Variants in RTCB observed in about 807,000 individuals in gnomAD.
RTCB encodes the protein RNA 2',3'-cyclic phosphate and 5'-OH ligase.
In RTCB, 32 loss-of-function variants were observed where a neutral mutation model predicts 58.2. The ratio of observed to expected loss-of-function variants is 0.55; its 90% CI spans 0.41 to 0.74. The LOEUF (loss-of-function observed/expected upper bound fraction) is 0.74, where lower values mean the gene tolerates loss of function less well. Ranked by LOEUF, RTCB falls within the 30% of genes least tolerant of loss-of-function variation. The probability of loss-of-function intolerance (pLI) is 0.00; values close to 1 mark genes in which losing one functional copy is unlikely to be tolerated. For missense variants in RTCB, 523 were observed against 639.0 expected (o/e 0.82, Z 1.96); for synonymous variants, 247 against 218.6 (o/e 1.13, Z -1.15).
chr22:32,391,395 A>ATTTTT (rs200157911), intron 11 of RTCB, among the ~76,000 whole-genome samples: 1 of 141,818 alleles, frequency 7.1e-6, no homozygotes, highest in Admixed American at 7.1e-5. Flanking sequence ...CAATAAGTAA[A>ATTTTT]TTTTTTTTTT....
chr22:32,411,561 G>A (rs1294229127), intron 1 of RTCB, among the ~76,000 whole-genome samples: 1 of 152,208 alleles, frequency 6.6e-6, no homozygotes, highest in African/African-American at 2.4e-5. Flanking sequence ...GCTACTGCAA[G>A]AAATGACATC....
intron 9 of RTCB, 45 bp from the exon 10 acceptor site, chr22:32,394,047 T>C (rs557696504): frequency 8.1e-6 from 11 of 1,354,914 alleles, no homozygotes; most frequent in African/African-American, 4.3e-5. Flanking sequence ...CAGAAAAACA[T>C]AGGCTTTTTA....
chr22:32,389,693 C>A (rs1390062017), intron 11 of RTCB, among the ~76,000 whole-genome samples: 2 of 152,186 alleles, frequency 1.3e-5, no homozygotes, highest in East Asian at 3.8e-4. Context: ...CAGACTCTAT[C>A]TCCTCTCATC....
chr22:32,392,134 C>A (rs1948960523), intron 11 of RTCB, 106 bp downstream of exon 11: 13 of 1,241,034 alleles, frequency 1.0e-5, no homozygotes, highest in South Asian at 7.4e-5. Context: ...AAAAATAACC[C>A]AAACAATTTC....
At position 32,411,033 on chromosome 22, in the gene RTCB, C is replaced by T. The variant is rs1601433494; in HGVS notation, c.93+1031G>A. Reference sequence around the variant, plus strand: ...CCTATGTTAGATTTTCTATTCCTTCCTTCAGGGTAACGGTTTCCACACAAA... The same window carrying T: ...CCTATGTTAGATTTTCTATTCCTTCTTTCAGGGTAACGGTTTCCACACAAA... On this transcript the variant is annotated intron_variant, in intron 1 of 11. Coordinates refer to ENST00000216038, the MANE Select transcript of RTCB (RefSeq NM_014306.5). Among the ~76,000 whole-genome samples, 4 of 152,146 alleles carry T rather than the reference C, an allele frequency of 2.6e-5. No individual in the cohort carries two copies. In the South Asian group the frequency reaches 8.3e-4, roughly 32 times the overall value.
rs1342280501 is a variant in RTCB at position 32,401,691 on chromosome 22, A to T, written c.497+56T>A. ...GTGTACTGCACTGGAAAGGAAGCTG[A>T]AGGTCATGTGGTTATTATCCCTCCC... On this transcript the variant is annotated intron_variant, in intron 5 of 11. Transcript: ENST00000216038. 11 of 1,570,822 alleles carry T rather than the reference A, an allele frequency of 7.0e-6. No homozygotes were observed. In the East Asian group the frequency reaches 2.5e-4, roughly 35 times the overall value.
At position 32,411,863 on chromosome 22, in the gene RTCB, C is replaced by T. The variant is rs368835827; in HGVS notation, c.93+201G>A. Among the ~76,000 whole-genome samples, 13 of 152,298 alleles carry T rather than the reference C, an allele frequency of 8.5e-5. 1 individual carries two copies. Among genetic ancestry groups the T allele is most frequent in the African/African-American group, 2.6e-4 (11 of 41,560 alleles). Reference sequence around the variant, plus strand: ...CCGCACTTAGCTTGTCCTCGTGGTTCGGGGACCTCTCCTGGCGGGAGGTGG... The same window carrying T: ...CCGCACTTAGCTTGTCCTCGTGGTTTGGGGACCTCTCCTGGCGGGAGGTGG... On this transcript the variant is annotated intron_variant, in intron 1 of 11. Transcript: ENST00000216038.
intron 6 of RTCB, 100 bp from the exon 7 acceptor site, chr22:32,398,200 AAC>A: frequency 7.5e-7 from 1 of 1,334,090 alleles, no homozygotes; most frequent in Non-Finnish European, 1.0e-6. Context: ...CAACAAAATA[AAC>A]ATACAAATAG....
At chr22:32,397,547 C>A (rs5754066) in intron 7 of RTCB, among the ~76,000 whole-genome samples, 65,504 of 152,080 alleles carry the variant, frequency 0.43, 15,069 homozygotes, top group African/African-American at 0.62. Flanking sequence ...ATCACATCTA[C>A]TGTTGCAGAG....
rs1397910832 is a variant in RTCB, at chr22:32,406,716, T to C, written c.286A>G (p.Ile96Val). The C allele has an allele frequency of 1.2e-6, 2 of 1,612,716 alleles. No individual in the cohort carries two copies. Among genetic ancestry groups the C allele is most frequent in the Non-Finnish European group, 8.5e-7 (1 of 1,179,042 alleles). ...PDVHSGYGFA[I>V]GNMAAFDMND... ...ATATCAAAGGCTGCCATGTTCCCAA[T>C]AGCAAACCCATATCCTGAATGGACA... is the stretch of plus-strand genomic sequence containing the variant. The change falls in exon 4 of 12, where the codon ATT (isoleucine) becomes GTT (valine). Residue 96 changes from isoleucine to valine, a missense_variant. By Grantham distance (29) the Ile-to-Val change is conservative. Around this residue, in one of 3 missense-constraint regions of RTCB, gnomAD observed 134 missense variants for 129.9 expected, o/e 1.03. Coordinates refer to ENST00000216038, the MANE Select transcript of RTCB (RefSeq NM_014306.5).
intron 5 of RTCB, chr22:32,401,491 T>C (rs1293932096): frequency 1.1e-5 from 4 of 376,446 alleles, no homozygotes; most frequent in East Asian, 4.3e-5. Flanking sequence ...ACCTTACACA[T>C]AGAAAGTGCT....
At chr22:32,391,094 G>GT (rs1344450387) in intron 11 of RTCB, among the ~76,000 whole-genome samples, 3 of 152,178 alleles carry the variant, frequency 2.0e-5, no homozygotes, top group Non-Finnish European at 4.4e-5. Flanking sequence ...GAGCCACCAT[G>GT]TAACTCCACT....
At chr22:32,403,262 C>G (rs775206352) in intron 4 of RTCB, among the ~76,000 whole-genome samples, 124 of 152,074 alleles carry the variant, frequency 8.2e-4, no homozygotes, top group Non-Finnish European at 1.7e-3. Context: ...AAAAAATTAG[C>G]GGGGTATGGT....
chr22:32,402,562 G>A lies in RTCB; in HGVS notation c.341-659C>T, dbSNP rs535661314. The stretch of plus-strand genomic sequence containing the variant: ...CCTCCTGCATTCAAGTGATTCTCCT[G>A]CCTCAGCCTCCCGAATAGCTGAGAT... On this transcript the variant is annotated intron_variant, in intron 4 of 11. Coordinates refer to ENST00000216038, the MANE Select transcript of RTCB (RefSeq NM_014306.5). Among the ~76,000 whole-genome samples the A allele has an allele frequency of 4.6e-3, 662 of 144,282 alleles. 5 individuals carry two copies. The highest frequency in any genetic ancestry group is 0.015 in the Middle Eastern group (4 of 268). 94.7% of individuals were successfully genotyped at this position (144,282 alleles called of 152,430 possible).
chr22:32,399,902 G>C (rs1330169745), intron 5 of RTCB, 143 bp from the exon 6 acceptor site: 1 of 674,398 alleles, frequency 1.5e-6, no homozygotes, highest in Non-Finnish European at 2.3e-6. Flanking sequence ...CAAAGTTTAA[G>C]CTCTCAGTAA....
intron 4 of RTCB, among the ~76,000 whole-genome samples, chr22:32,404,523 C>T (rs1489991682): frequency 1.3e-5 from 2 of 152,162 alleles, no homozygotes; most frequent in East Asian, 3.9e-4. Context: ...TCTCTGGATT[C>T]GGCCTTCCCA....
At position 32,387,773 on chromosome 22, in the gene RTCB, C is replaced by G; in HGVS notation, c.*219G>C. On this transcript the variant is annotated 3_prime_UTR_variant, in exon 12 of 12. Transcript: ENST00000216038. ...CAACCAAGGAGAAGGCATATTCCTC[C>G]CTTTCCAAAGGTGGGCAATGTGCCT... The G allele has an allele frequency of 2.0e-6, 1 of 489,470 alleles. No individual in the cohort carries two copies. The highest frequency in any genetic ancestry group is 3.5e-5 in the East Asian group (1 of 28,726). 30.3% of individuals were successfully genotyped at this position (489,470 alleles called of 1,614,324 possible).
At chr22:32,408,301 T>C in intron 2 of RTCB, 59 bp from the exon 3 acceptor site, 1 of 1,379,370 alleles carries the variant, frequency 7.2e-7, no homozygotes, top group Non-Finnish European at 1.0e-6. Flanking sequence ...GCATGAATTA[T>C]ATTCATGTTT....
Position 32,391,818 on chromosome 22 carries a change from T to C in RTCB, c.1410+422A>G, listed in dbSNP as rs1034327015. 1.8e-4 allele frequency among the ~76,000 whole-genome samples: 28 copies of C among 152,242 alleles called. 2 individuals are homozygous for C. The stretch of plus-strand genomic sequence containing the variant: ...TGCTTTTAATTTAAATATGTACATA[T>C]ATGTAAACATATATACAGAATTTAA... On this transcript the variant is annotated intron_variant, in intron 11 of 11. Transcript: ENST00000216038.
Sources: gnomAD v4.1 joint callset for allele counts (sites outside exome capture counted in the v4.1 genomes callset) on GRCh38, gnomAD v4.1.1 for gene constraint, gnomAD v4.1.1 regional missense constraint, MANE v1.5 for transcripts, NCBI Gene and HGNC (gene_info 2026-07-23, HGNC 2026-07-21) for gene names.